SCHIP1: variants seen among roughly 807,000 people sequenced by gnomAD.
SCHIP1 encodes schwannomin interacting protein 1.
In SCHIP1, 8 loss-of-function variants were observed where a neutral mutation model predicts 29.7. The ratio of observed to expected loss-of-function variants is 0.27; its 90% CI spans 0.16 to 0.49. SCHIP1 has a LOEUF of 0.49. Among genes scored for constraint, SCHIP1 ranks in the 20% least tolerant of loss-of-function variants. The probability of loss-of-function intolerance (pLI) is 0.99; values close to 1 mark genes in which losing one functional copy is unlikely to be tolerated. For missense variants in SCHIP1, 193 were observed against 294.6 expected, an observed-to-expected ratio of 0.66 and a Z score of 2.52; for synonymous variants, 76 against 94.9, an observed-to-expected ratio of 0.80 and a Z score of 1.16.
the SCHIP1 span, among the ~76,000 whole-genome samples, chr3:159,773,091 G>A: frequency 8.5e-5 from 13 of 152,314 alleles, no homozygotes; most frequent in African/African-American, 1.4e-4. Context: ...GACCTCTGTC[G>A]CTGAAGAGAT....
At chr3:159,480,668 C>T in the SCHIP1 span, among the ~76,000 whole-genome samples, 1 of 152,154 alleles carries the variant, frequency 6.6e-6, no homozygotes, top group Non-Finnish European at 1.5e-5. Flanking sequence ...GCTCTCTCCT[C>T]CCTTCCCACC....
intron 5 of SCHIP1, among the ~76,000 whole-genome samples, chr3:159,890,584 T>A (rs963611917): frequency 2.8e-4 from 42 of 152,320 alleles, no homozygotes; most frequent in African/African-American, 8.4e-4. Context: ...CAGGATTTTT[T>A]AAAAAAATTC....
the SCHIP1 span, among the ~76,000 whole-genome samples, chr3:159,785,606 A>ATG: frequency 7.3e-6 from 1 of 137,360 alleles, no homozygotes; most frequent in Non-Finnish European, 1.5e-5. Context: ...CTGTTGGGAG[A>ATG]TGGGGAGCCA....
the SCHIP1 span, among the ~76,000 whole-genome samples, chr3:159,609,965 C>G: frequency 1.1e-4 from 17 of 152,140 alleles, no homozygotes; most frequent in Admixed American, 1.1e-3. Flanking sequence ...GTGGAAGGAC[C>G]TATGCTACGA....
the SCHIP1 span, among the ~76,000 whole-genome samples, chr3:159,578,429 C>T: frequency 1.3e-5 from 2 of 152,150 alleles, no homozygotes; most frequent in African/African-American, 4.8e-5. Context: ...TCACTTTATA[C>T]TTTAGTGTGT....
the SCHIP1 span, among the ~76,000 whole-genome samples, chr3:159,493,745 A>G: frequency 6.6e-6 from 1 of 152,126 alleles, no homozygotes; most frequent in African/African-American, 2.4e-5. Context: ...CTCTGCACCA[A>G]GCGGACCTAA....
the SCHIP1 span, among the ~76,000 whole-genome samples, chr3:159,665,546 T>TTGTATGTGTGTGTGTGTGTG: frequency 0.017 from 2,564 of 147,534 alleles, 89 homozygotes; most frequent in African/African-American, 0.061. Context: ...GTTTTTGGGG[T>TTGTATGTGTGTGTGTGTGTG]TGTGTGTGTG....
At chr3:159,303,263 A>G in the SCHIP1 span, among the ~76,000 whole-genome samples, 15 of 152,132 alleles carry the variant, frequency 9.9e-5, no homozygotes, top group African/African-American at 3.1e-4. Context: ...AGATGAAAGT[A>G]TCATTTATAA....
At chr3:159,325,933 C>A in the SCHIP1 span, among the ~76,000 whole-genome samples, 2 of 151,918 alleles carry the variant, frequency 1.3e-5, no homozygotes, top group Admixed American at 1.3e-4. Context: ...AGCTAAAATG[C>A]CTATATTGGT....
chr3:159,506,500 G>C, the SCHIP1 span, among the ~76,000 whole-genome samples: 3 of 152,160 alleles, frequency 2.0e-5, no homozygotes, highest in East Asian at 3.8e-4. Flanking sequence ...TTTGGCTTTT[G>C]TTGCCATTGC....
the SCHIP1 span, among the ~76,000 whole-genome samples, chr3:159,398,676 T>TAGTC: frequency 6.6e-6 from 1 of 152,178 alleles, no homozygotes; most frequent in South Asian, 2.1e-4. Context: ...TATGGTAGAA[T>TAGTC]AGTCAGGAAC....
chr3:159,369,792 TG>T, the SCHIP1 span, among the ~76,000 whole-genome samples: 1 of 152,206 alleles, frequency 6.6e-6, no homozygotes, highest in East Asian at 1.9e-4. Context: ...ATATGTAGAA[TG>T]TTGAGGTTAT....
the SCHIP1 span, among the ~76,000 whole-genome samples, chr3:159,430,282 G>GA: frequency 6.6e-6 from 1 of 152,050 alleles, no homozygotes; most frequent in Non-Finnish European, 1.5e-5. Flanking sequence ...TTTTCTAATG[G>GA]AAAAAAAGCC....
the SCHIP1 span, among the ~76,000 whole-genome samples, chr3:159,483,256 G>A: frequency 6.6e-6 from 1 of 152,140 alleles, no homozygotes; most frequent in Non-Finnish European, 1.5e-5. Context: ...CGAAAGACAA[G>A]GGATTGCTTG....
At chr3:159,705,935 G>A in the SCHIP1 span, among the ~76,000 whole-genome samples, 1 of 152,042 alleles carries the variant, frequency 6.6e-6, no homozygotes, top group Admixed American at 6.5e-5. Context: ...TCGGAGTCCT[G>A]ACCTCATGAT....
chr3:159,299,392 T>G, the SCHIP1 span, among the ~76,000 whole-genome samples: 3 of 152,250 alleles, frequency 2.0e-5, no homozygotes, highest in Admixed American at 6.5e-5. Context: ...GTAATGGAAT[T>G]TACGACAGAC....
the SCHIP1 span, among the ~76,000 whole-genome samples, chr3:159,367,020 A>ATGTT: frequency 6.6e-6 from 1 of 152,212 alleles, no homozygotes; most frequent in African/African-American, 2.4e-5. Context: ...CATGCCATCT[A>ATGTT]TGTTTTTCTC....
chr3:159,873,090 A>T (rs1452373389), intron 2 of SCHIP1, among the ~76,000 whole-genome samples: 1 of 152,240 alleles, frequency 6.6e-6, no homozygotes, highest in African/African-American at 2.4e-5. Context: ...ATATTACACA[A>T]TTTCAACGTG....
the SCHIP1 span, among the ~76,000 whole-genome samples, chr3:159,811,501 C>T: frequency 1.3e-5 from 2 of 152,186 alleles, no homozygotes; most frequent in Non-Finnish European, 2.9e-5. Flanking sequence ...TTTCTGCATG[C>T]AGATATCCAG....
Sources: gnomAD v4.1 joint callset for allele counts (sites outside exome capture counted in the v4.1 genomes callset) on GRCh38, gnomAD v4.1.1 for gene constraint, MANE v1.5 for transcripts, NCBI Gene and HGNC (gene_info 2026-07-23, HGNC 2026-07-21) for gene names.